Variants in THSD7A observed in about 807,000 individuals in gnomAD.
THSD7A encodes the protein thrombospondin type-1 domain-containing protein 7A.
Under a neutral mutation model 231.3 loss-of-function variants are expected in THSD7A, and 96 were observed. That is an observed-to-expected ratio of 0.41 (90% CI 0.35 to 0.49). The LOEUF is 0.49. THSD7A is among the 20% of genes least tolerant of loss of function. THSD7A has a pLI of 0.05. For synonymous variants in THSD7A, 940 were observed against 743.3 expected, an observed-to-expected ratio of 1.26 and a Z score of -4.30; for missense variants, 2,290 against 2,070.2, an observed-to-expected ratio of 1.11 and a Z score of -2.06.
At chr7:11,830,400 C>T (rs1372333010) in intron 1 of THSD7A, among the ~76,000 whole-genome samples, 2 of 152,212 alleles carry the variant, frequency 1.3e-5, no homozygotes, top group Admixed American at 6.5e-5. Flanking sequence ...TAATGTTTGT[C>T]ATTATGAATG....
In THSD7A at chr7:11,460,690, T is replaced by A. The variant is rs368641879; in HGVS notation, c.2577A>T (p.Glu859Asp). ...SVQQDSPGAQEGCGPGRQARA... is the reference protein window; with the variant it reads ...SVQQDSPGAQDGCGPGRQARA... ...TTGCCTGTCGCCCAGGCCCACAGCC[T>A]TCCTGTGCTCCAGGGCTGTCTTGTT... The change falls in exon 11 of 28, where the codon GAA (glutamate) becomes GAT (aspartate). Residue 859 changes from glutamate to aspartate, a missense_variant. By Grantham distance (45) the Glu-to-Asp change is conservative. Transcript: ENST00000423059. The A allele has an allele frequency of 3.1e-5, 50 of 1,611,900 alleles. No homozygotes were observed. Among genetic ancestry groups the A allele is most frequent in the Non-Finnish European group, 3.8e-5 (45 of 1,179,044 alleles).
chr7:11,703,585 C>A, intron 1 of THSD7A, among the ~76,000 whole-genome samples: 1 of 151,166 alleles, frequency 6.6e-6, no homozygotes, highest in Non-Finnish European at 1.5e-5. Context: ...TACTGCTATA[C>A]AGTAGTGTAA....
At chr7:11,760,188 T>C (rs1301844972) in intron 1 of THSD7A, among the ~76,000 whole-genome samples, 2 of 152,042 alleles carry the variant, frequency 1.3e-5, no homozygotes, top group South Asian at 4.1e-4. Flanking sequence ...TAAAATGAAC[T>C]TCCAAACTGG....
chr7:11,481,669 G>A (rs1233400208), intron 7 of THSD7A, 119 bp downstream of exon 7: 1 of 1,068,968 alleles, frequency 9.4e-7, no homozygotes. Context: ...ATTAAATCTT[G>A]GATGGCTGAA....
intron 23 of THSD7A, among the ~76,000 whole-genome samples, chr7:11,387,189 T>C (rs1297348122): frequency 6.6e-6 from 1 of 152,206 alleles, no homozygotes; most frequent in Non-Finnish European, 1.5e-5. Flanking sequence ...GTCTTGGCTA[T>C]GCGGGCTCTT....
At chr7:11,399,420 T>C (rs563573804) in intron 23 of THSD7A, among the ~76,000 whole-genome samples, 1 of 152,006 alleles carries the variant, frequency 6.6e-6, no homozygotes, top group African/African-American at 2.4e-5. Context: ...CTGGTCTATT[T>C]TGTCAGTTTG....
chr7:11,541,515 A>C lies in THSD7A; in HGVS notation c.1726T>G (p.Trp576Gly). 6.2e-7 allele frequency: 1 copy of C among 1,613,880 alleles called. No individual in the cohort carries two copies. The highest frequency in any genetic ancestry group is 1.3e-5 in the African/African-American group (1 of 75,008). ...CAGTTTCCCAGTCTCACTGCTTTCC[A>C]GTCATAACAGGCAGGCTCTTCACAG... ...IPCEEPACYD[W>G]KAVRLGNCEP... Residue 576 changes from tryptophan (W) to glycine (G), a missense_variant, in exon 6 of 28, where the codon TGG becomes GGG. Physicochemically the swap from Trp to Gly is radical, Grantham distance 184. Transcript: ENST00000423059.
At chr7:11,511,018 G>A (rs760707614) in intron 6 of THSD7A, among the ~76,000 whole-genome samples, 26 of 152,118 alleles carry the variant, frequency 1.7e-4, no homozygotes, top group Non-Finnish European at 3.4e-4. Context: ...TGACATGATT[G>A]TATATTTAGA....
intron 6 of THSD7A, among the ~76,000 whole-genome samples, chr7:11,504,391 T>C (rs1320305912): frequency 2.0e-5 from 3 of 152,172 alleles, no homozygotes; most frequent in African/African-American, 4.8e-5. Context: ...TGTAATATTA[T>C]ACTTTTGCAC....
chr7:11,413,845 G>A (rs1020960716), intron 17 of THSD7A: 1 of 152,226 alleles, frequency 6.6e-6, no homozygotes, highest in East Asian at 1.9e-4. Context: ...CCCAGTTCCT[G>A]TGCGCCCCTC....
intron 9 of THSD7A, among the ~76,000 whole-genome samples, chr7:11,468,009 A>G (rs1013661948): frequency 6.6e-6 from 1 of 152,044 alleles, no homozygotes; most frequent in Non-Finnish European, 1.5e-5. Flanking sequence ...TCCTTGAAAT[A>G]CTTTAGATCA....
intron 1 of THSD7A, among the ~76,000 whole-genome samples, chr7:11,649,273 A>G (rs972555864): frequency 7.2e-5 from 11 of 151,952 alleles, no homozygotes; most frequent in African/African-American, 2.7e-4. Flanking sequence ...GCACCAGTTA[A>G]TTCTTAAGAG....
At position 11,812,927 on chromosome 7, in the gene THSD7A, T is replaced by A. The variant is rs141897575; in HGVS notation, c.190+18830A>T. Among the ~76,000 whole-genome samples the A allele has an allele frequency of 2.0e-5, 3 of 152,292 alleles. No individual in the cohort carries two copies. In the East Asian group the frequency reaches 5.8e-4, roughly 29 times the overall value. On this transcript the variant is annotated intron_variant, in intron 1 of 27. Transcript: ENST00000423059. ...ATTCTTTCATGAAAGGAGAATTTATTATTAATGAAGAAATCGTGAGAATTT... is the reference window on the plus strand; with the variant it reads ...ATTCTTTCATGAAAGGAGAATTTATAATTAATGAAGAAATCGTGAGAATTT...
chr7:11,734,822 A>C (rs1364574149), intron 1 of THSD7A, among the ~76,000 whole-genome samples: 2 of 151,966 alleles, frequency 1.3e-5, no homozygotes, highest in African/African-American at 4.8e-5. Flanking sequence ...GCTCAGAAAA[A>C]GGGAGAAAGT....
rs971336482 is a variant in THSD7A, at chr7:11,832,139, TGCC to T, written c.-196_-194del. The T allele has an allele frequency of 6.1e-4, 201 of 330,408 alleles. No individual in the cohort carries two copies. Among genetic ancestry groups the T allele is most frequent in the Middle Eastern group, 8.6e-4 (1 of 1,158 alleles). The allele number at this position is 330,408 out of a possible 1,614,324, so 20.5% of individuals were successfully genotyped here. Reference sequence around the variant, plus strand: ...CGTCCGCGGTGGTGGCCGTGGCCGCTGCCGCCGCCGCCGCCGCCTCTGGCGGGG... The same window carrying T: ...CGTCCGCGGTGGTGGCCGTGGCCGCTGCCGCCGCCGCCGCCTCTGGCGGGG... On this transcript the variant is annotated 5_prime_UTR_variant, in exon 1 of 28. Transcript: ENST00000423059.
At chr7:11,525,759 T>A (rs994760055) in intron 6 of THSD7A, among the ~76,000 whole-genome samples, 6 of 152,172 alleles carry the variant, frequency 3.9e-5, no homozygotes, top group African/African-American at 1.4e-4. Flanking sequence ...TATTCTTATT[T>A]ATTTGCTAGA....
At chr7:11,449,873 T>C (rs1287382371) in intron 11 of THSD7A, among the ~76,000 whole-genome samples, 1 of 152,006 alleles carries the variant, frequency 6.6e-6, no homozygotes, top group Non-Finnish European at 1.5e-5. Flanking sequence ...AATCAGGACA[T>C]GCAAGAGCCT....
At chr7:11,809,405 G>A (rs1016573366) in intron 1 of THSD7A, among the ~76,000 whole-genome samples, 1 of 152,096 alleles carries the variant, frequency 6.6e-6, no homozygotes, top group Non-Finnish European at 1.5e-5. Context: ...TTATAGTTGT[G>A]GCTGTCTGTT....
chr7:11,575,661 A>C lies in THSD7A; in HGVS notation c.1453+14799T>G, dbSNP rs143824455. On this transcript the variant is annotated intron_variant, in intron 4 of 27. Transcript: ENST00000423059. ...AGCTCAGAGGAGGATTGCCTGAGGG[A>C]ATAGCTGTACCTCCATTCATTTAGT... Among the ~76,000 whole-genome samples, 187 of 152,270 alleles carry C rather than the reference A, an allele frequency of 1.2e-3. 2 individuals are homozygous for C. The highest frequency in any genetic ancestry group is 4.2e-3 in the African/African-American group (175 of 41,550).
Sources: gnomAD v4.1 joint callset for allele counts (sites outside exome capture counted in the v4.1 genomes callset) on GRCh38, gnomAD v4.1.1 for gene constraint, MANE v1.5 for transcripts, NCBI Gene and HGNC (gene_info 2026-07-23, HGNC 2026-07-21) for gene names.